Variants in UBTD2 observed in about 807,000 individuals in gnomAD.
UBTD2 encodes the protein ubiquitin domain-containing protein 2.
UBTD2 carries 9 observed loss-of-function variants against 19.8 expected under a neutral mutation model. The ratio of observed to expected loss-of-function variants is 0.46; its 90% CI spans 0.27 to 0.79. The LOEUF (loss-of-function observed/expected upper bound fraction) is 0.79, where lower values mean the gene tolerates loss of function less well. Ranked by LOEUF, UBTD2 falls within the 30% of genes least tolerant of loss-of-function variation. UBTD2 has a pLI of 0.14. For missense variants in UBTD2, 250 were observed against 300.4 expected (o/e 0.83, Z 1.24); for synonymous variants, 98 against 103.9 (o/e 0.94, Z 0.35).
chr5:172,233,071 C>A (rs1771935941), intron 2 of UBTD2, among the ~76,000 whole-genome samples: 1 of 152,038 alleles, frequency 6.6e-6, no homozygotes, highest in African/African-American at 2.4e-5. Flanking sequence ...GCTGAGTGCA[C>A]CACTGCACTC....
intron 1 of UBTD2, among the ~76,000 whole-genome samples, chr5:172,258,271 C>T (rs1755199903): frequency 6.6e-6 from 1 of 152,114 alleles, no homozygotes; most frequent in Non-Finnish European, 1.5e-5. Flanking sequence ...TTCCCCACTG[C>T]TTACTTTGTT....
At chr5:172,281,591 G>A (rs532584445) in intron 1 of UBTD2, among the ~76,000 whole-genome samples, 19 of 151,936 alleles carry the variant, frequency 1.3e-4, no homozygotes, top group Non-Finnish European at 1.3e-4. Context: ...ACACCCTTAG[G>A]AAAAAGTCTT....
intron 1 of UBTD2, among the ~76,000 whole-genome samples, chr5:172,244,126 T>C (rs555071989): frequency 6.6e-6 from 1 of 152,156 alleles, no homozygotes; most frequent in Non-Finnish European, 1.5e-5. Flanking sequence ...GGGGGCATTC[T>C]ACAGTCAGAA....
chr5:172,274,965 GGTGGAGTTTGCC>G, intron 1 of UBTD2, among the ~76,000 whole-genome samples: 1 of 152,300 alleles, frequency 6.6e-6, no homozygotes, highest in Non-Finnish European at 1.5e-5. Flanking sequence ...GAACCCAGCA[GGTGGAGTTTGCC>G]GTGAGCCAAG....
At position 172,283,288 on chromosome 5, in the gene UBTD2, C is replaced by A. The variant is rs539431163; in HGVS notation, c.70+308G>T. On this transcript the variant is annotated intron_variant, in intron 1 of 2. Coordinates refer to ENST00000393792, the MANE Select transcript of UBTD2 (RefSeq NM_152277.3). The surrounding 1 kb of genome is among the most constrained non-coding windows in gnomAD (Gnocchi z 4.3). ...GCCATCCTGATCCTCAATAATTAAA[C>A]GGCCTGGAGAGGGAGTGAGGTGGCC... 6.6e-6 allele frequency among the ~76,000 whole-genome samples: 1 copy of A among 152,118 alleles called. No individual in the cohort carries two copies. Among genetic ancestry groups the A allele is most frequent in the South Asian group, 2.1e-4 (1 of 4,832 alleles).
At chr5:172,276,723 G>A (rs374674973) in intron 1 of UBTD2, among the ~76,000 whole-genome samples, 8 of 151,676 alleles carry the variant, frequency 5.3e-5, no homozygotes, top group African/African-American at 1.5e-4. Context: ...AGGGAAAGAC[G>A]GAAGAAAGGG....
At chr5:172,242,123 C>A (rs966848646) in intron 1 of UBTD2, among the ~76,000 whole-genome samples, 1 of 152,186 alleles carries the variant, frequency 6.6e-6, no homozygotes, top group African/African-American at 2.4e-5. Context: ...CTTTGCCTTC[C>A]GCCATGATTG....
At chr5:172,217,638 A>C (rs1014481537) in intron 2 of UBTD2, among the ~76,000 whole-genome samples, 1 of 151,788 alleles carries the variant, frequency 6.6e-6, no homozygotes, top group African/African-American at 2.4e-5. Context: ...GGTATACCCC[A>C]CCATGCCCAG....
chr5:172,273,084 C>CTCCGTCTCA (rs1755529984), intron 1 of UBTD2, among the ~76,000 whole-genome samples: 1 of 105,948 alleles, frequency 9.4e-6, no homozygotes, highest in African/African-American at 3.7e-5. Context: ...CTCTCCGTCT[C>CTCCGTCTCA]AAAAAAAAAA....
At chr5:172,234,630 G>A (rs1771971767) in intron 1 of UBTD2, among the ~76,000 whole-genome samples, 1 of 152,178 alleles carries the variant, frequency 6.6e-6, no homozygotes, top group Non-Finnish European at 1.5e-5. Context: ...TACAGGCTGA[G>A]TGCAGTAGCT....
At chr5:172,221,364 G>A (rs1167423652) in intron 2 of UBTD2, among the ~76,000 whole-genome samples, 1 of 152,016 alleles carries the variant, frequency 6.6e-6, no homozygotes, top group Non-Finnish European at 1.5e-5. Flanking sequence ...AATTAGCCAG[G>A]CATGGTGGTG....
chr5:172,244,555 C>G (rs1207371838), intron 1 of UBTD2, among the ~76,000 whole-genome samples: 1 of 151,804 alleles, frequency 6.6e-6, no homozygotes, highest in Non-Finnish European at 1.5e-5. Flanking sequence ...GCCTTAGCCT[C>G]CCAAAGTGCA....
intron 1 of UBTD2, among the ~76,000 whole-genome samples, chr5:172,278,607 T>G (rs531101320): frequency 6.6e-6 from 1 of 151,652 alleles, no homozygotes; most frequent in African/African-American, 2.4e-5. Context: ...TACAACAGGA[T>G]GAACACGGGA....
chr5:172,256,252 T>C (rs1432064090), intron 1 of UBTD2, among the ~76,000 whole-genome samples: 1 of 152,150 alleles, frequency 6.6e-6, no homozygotes, highest in African/African-American at 2.4e-5. Context: ...ATAACCTCAT[T>C]AAGCACTTTA....
chr5:172,249,346 C>G (rs566025151), intron 1 of UBTD2, among the ~76,000 whole-genome samples: 4 of 138,722 alleles, frequency 2.9e-5, no homozygotes, highest in African/African-American at 1.1e-4. Flanking sequence ...TTGCAGTGAG[C>G]CAAGATTGCA....
chr5:172,211,795 C>A lies in UBTD2; in HGVS notation c.*35G>T, dbSNP rs780806415. The A allele has an allele frequency of 5.8e-6, 9 of 1,547,154 alleles. No homozygotes were observed. The East Asian group carries it at 2.0e-4, about 35-fold the overall frequency. On this transcript the variant is annotated 3_prime_UTR_variant, in exon 3 of 3. Coordinates refer to ENST00000393792, the MANE Select transcript of UBTD2 (RefSeq NM_152277.3). ...TGACAACAAGAACCATAAAAAGGAGCAGAGGGATGTGGGAGCTGGCCAACA... is the reference window on the plus strand; with the variant it reads ...TGACAACAAGAACCATAAAAAGGAGAAGAGGGATGTGGGAGCTGGCCAACA...
chr5:172,281,057 A>G (rs1755705424), intron 1 of UBTD2, among the ~76,000 whole-genome samples: 2 of 152,142 alleles, frequency 1.3e-5, no homozygotes, highest in South Asian at 4.1e-4. Flanking sequence ...CAACACTGTG[A>G]ATGTAATTAT....
At chr5:172,233,570 G>A (rs1771946800) in intron 2 of UBTD2, among the ~76,000 whole-genome samples, 1 of 152,110 alleles carries the variant, frequency 6.6e-6, no homozygotes, top group South Asian at 2.1e-4. Context: ...TCCTAAGAAT[G>A]CTCAGGGCTA....
chr5:172,283,527 G>T lies in UBTD2; in HGVS notation c.70+69C>A, dbSNP rs1464812928. On this transcript the variant is annotated intron_variant, in intron 1 of 2. Transcript: ENST00000393792. The surrounding 1 kb of genome is among the most constrained non-coding windows in gnomAD (Gnocchi z 4.3). ...CGGGGGCCCGGCGCGGCCCGCGGGG[G>T]TCGGGACAGGTGGCCGGGCCTGGCC... is the stretch of plus-strand genomic sequence containing the variant. 28 of 1,199,234 alleles carry T rather than the reference G, an allele frequency of 2.3e-5. No individual in the cohort carries two copies. The highest frequency in any genetic ancestry group is 2.9e-5 in the Non-Finnish European group (27 of 946,630). 74.3% of individuals were successfully genotyped at this position (1,199,234 alleles called of 1,614,324 possible).
Sources: allele counts gnomAD v4.1 joint callset (sites outside exome capture counted in the v4.1 genomes callset), GRCh38; gene constraint gnomAD v4.1.1; non-coding constraint Gnocchi (gnomAD v3.1); transcripts MANE v1.5; gene names NCBI Gene and HGNC (gene_info 2026-07-23, HGNC 2026-07-21).